PARD3: variants seen among roughly 807,000 people sequenced by gnomAD.
The protein encoded by PARD3 is partitioning defective 3 homolog.
PARD3 carries 75 observed loss-of-function variants against 155.4 expected under a neutral mutation model. That is an observed-to-expected ratio of 0.48 (90% CI 0.40 to 0.58). The LOEUF (loss-of-function observed/expected upper bound fraction) is 0.58, where lower values mean the gene tolerates loss of function less well. Among genes scored for constraint, PARD3 ranks in the 20% least tolerant of loss-of-function variants. The probability of loss-of-function intolerance (pLI) is 0.00; values close to 1 mark genes in which losing one functional copy is unlikely to be tolerated. For missense variants in PARD3, 1,642 were observed against 1,721.7 expected (o/e 0.95, Z 0.82); for synonymous variants, 576 against 610.5 (o/e 0.94, Z 0.83).
chr10:34,241,116 A>C (rs765510722), intron 22 of PARD3, among the ~76,000 whole-genome samples: 3 of 152,232 alleles, frequency 2.0e-5, no homozygotes, highest in Non-Finnish European at 2.9e-5. Flanking sequence ...TCTATGTATA[A>C]AAAGCATTCA....
chr10:34,466,330 G>T (rs2133030660), intron 4 of PARD3, among the ~76,000 whole-genome samples: 1 of 152,264 alleles, frequency 6.6e-6, no homozygotes, highest in South Asian at 2.1e-4. Context: ...AGTGGAATGA[G>T]ATTATGACCA....
In PARD3 at chr10:34,499,195, T is replaced by C. The variant is rs529643656; in HGVS notation, c.403+17784A>G. 1.4e-4 allele frequency among the ~76,000 whole-genome samples: 22 copies of C among 152,268 alleles called. No individual in the cohort carries two copies. The South Asian group carries it at 4.4e-3, about 30-fold the overall frequency. ...ATATAACTACAAAATTATAGCCAAA[T>C]CATCCTCTTAAGCAATAAAGCTTTG... On this transcript the variant is annotated intron_variant, in intron 3 of 24. Coordinates refer to ENST00000374788, the MANE Select transcript of PARD3 (RefSeq NM_001184785.2).
intron 1 of PARD3, among the ~76,000 whole-genome samples, chr10:34,788,014 C>T (rs1841194210): frequency 1.3e-5 from 2 of 150,536 alleles, no homozygotes; most frequent in African/African-American, 2.5e-5. Context: ...GAATTCCTGG[C>T]TTCAAGCAAT....
intron 21 of PARD3, among the ~76,000 whole-genome samples, chr10:34,279,312 C>T (rs1480864202): frequency 1.3e-5 from 2 of 151,830 alleles, no homozygotes; most frequent in African/African-American, 4.8e-5. Flanking sequence ...TGAGCCAACA[C>T]ACCCAATCAA....
At chr10:34,344,250 G>A in intron 15 of PARD3, 1 of 982,988 alleles carries the variant, frequency 1.0e-6, no homozygotes, top group Non-Finnish European at 1.2e-6. Context: ...TATCCCTGTT[G>A]CTGGTTTTTT....
At chr10:34,357,240 C>T (rs1838981507) in intron 14 of PARD3, among the ~76,000 whole-genome samples, 1 of 152,108 alleles carries the variant, frequency 6.6e-6, no homozygotes. Flanking sequence ...ATTTTAAGTC[C>T]TCCTGTAGCA....
intron 18 of PARD3, 55 bp from the exon 19 acceptor site, chr10:34,331,399 C>T: frequency 8.7e-7 from 1 of 1,149,696 alleles, no homozygotes. Flanking sequence ...AATTATGTAC[C>T]TGAATATGCA....
intron 22 of PARD3, among the ~76,000 whole-genome samples, chr10:34,263,273 C>A (rs1955117549): frequency 6.6e-6 from 1 of 152,180 alleles, no homozygotes; most frequent in African/African-American, 2.4e-5. Flanking sequence ...CACAGTTAAT[C>A]CTTCCCAAAC....
chr10:34,562,503 C>A (rs144260739), intron 2 of PARD3, among the ~76,000 whole-genome samples: 3 of 152,092 alleles, frequency 2.0e-5, no homozygotes, highest in East Asian at 1.9e-4. Flanking sequence ...CAAGTGGCAT[C>A]AGCAGCACCG....
chr10:34,700,519 C>G (rs2094254990), intron 1 of PARD3, among the ~76,000 whole-genome samples: 1 of 152,060 alleles, frequency 6.6e-6, no homozygotes, highest in African/African-American at 2.4e-5. Context: ...TTTCATTAAC[C>G]ATGGCATACA....
In PARD3 at chr10:34,374,265, G is replaced by T. The variant is rs576678509; in HGVS notation, c.1668+609C>A. ...ACTCAGATGTATTAATGTATGTATG[G>T]AAAGTGAAGGAGATAGGTTGCAAAA... On this transcript the variant is annotated intron_variant, in intron 11 of 24. Transcript: ENST00000374788. Among the ~76,000 whole-genome samples, 10 of 152,242 alleles carry T rather than the reference G, an allele frequency of 6.6e-5. No individual in the cohort carries two copies. In the South Asian group the frequency reaches 2.1e-3, roughly 32 times the overall value.
chr10:34,810,058 A>G (rs1379027316), intron 1 of PARD3, among the ~76,000 whole-genome samples: 1 of 152,166 alleles, frequency 6.6e-6, no homozygotes, highest in Non-Finnish European at 1.5e-5. Context: ...AAAAAAGCAC[A>G]TTTTCAAAAG....
chr10:34,173,969 A>T (rs966911215), intron 22 of PARD3, among the ~76,000 whole-genome samples: 1 of 152,114 alleles, frequency 6.6e-6, no homozygotes, highest in African/African-American at 2.4e-5. Context: ...TCACCAAGGG[A>T]GCTTTACCTA....
At chr10:34,639,995 A>C (rs2092618605) in intron 2 of PARD3, among the ~76,000 whole-genome samples, 1 of 152,178 alleles carries the variant, frequency 6.6e-6, no homozygotes, top group South Asian at 2.1e-4. Flanking sequence ...ACATAGATAA[A>C]AGACAGACAT....
chr10:34,660,189 T>A (rs2093284797), intron 2 of PARD3, among the ~76,000 whole-genome samples: 1 of 152,126 alleles, frequency 6.6e-6, no homozygotes, highest in African/African-American at 2.4e-5. Context: ...TACATGCAAT[T>A]TTTCCCCTGC....
chr10:34,207,110 C>A (rs1056674586), intron 22 of PARD3, among the ~76,000 whole-genome samples: 4 of 152,168 alleles, frequency 2.6e-5, no homozygotes, highest in African/African-American at 9.7e-5. Context: ...GGTGAGGCCT[C>A]TCTGCTTACA....
chr10:34,467,043 T>C (rs1030849502), intron 4 of PARD3, among the ~76,000 whole-genome samples: 1 of 152,094 alleles, frequency 6.6e-6, no homozygotes, highest in Non-Finnish European at 1.5e-5. Context: ...TCTGGTTACA[T>C]TAAATACTGC....
chr10:34,311,987 C>T (rs1272121872), intron 20 of PARD3, among the ~76,000 whole-genome samples: 1 of 152,112 alleles, frequency 6.6e-6, no homozygotes, highest in Non-Finnish European at 1.5e-5. Context: ...GGTGGTGGCC[C>T]TTTACAGAAT....
intron 15 of PARD3, chr10:34,344,188 T>C (rs766193094): frequency 8.7e-5 from 86 of 984,246 alleles, no homozygotes; most frequent in Non-Finnish European, 9.9e-5. Context: ...CAAATGACAA[T>C]GTGTGATGTC....
Sources: gnomAD v4.1 joint callset for allele counts (sites outside exome capture counted in the v4.1 genomes callset) on GRCh38, gnomAD v4.1.1 for gene constraint, MANE v1.5 for transcripts, NCBI Gene and HGNC (gene_info 2026-07-23, HGNC 2026-07-21) for gene names.